The following CDH18 variants were observed in gnomAD, a reference collection of about 807,000 sequenced individuals.
CDH18 encodes the protein cadherin-18.
Under a neutral mutation model 67.9 loss-of-function variants are expected in CDH18, and 31 were observed. That is an observed-to-expected ratio of 0.46 (90% CI 0.34 to 0.62). The LOEUF is 0.62. CDH18 is among the 20% of genes least tolerant of loss of function. The pLI, the probability that CDH18 is intolerant of heterozygous loss-of-function variation, is 0.01. For synonymous variants in CDH18, 362 were observed against 347.2 expected, an observed-to-expected ratio of 1.04 and a Z score of -0.48; for missense variants, 890 against 975.5, an observed-to-expected ratio of 0.91 and a Z score of 1.17.
At chr5:20,042,989 TTAAAA>T (rs1740582809) in intron 2 of CDH18, among the ~76,000 whole-genome samples, 1 of 151,494 alleles carries the variant, frequency 6.6e-6, no homozygotes, top group Admixed American at 6.6e-5. Flanking sequence ...AATTAATTAA[TTAAAA>T]TAAAACATTT....
chr5:19,801,842 TC>T lies in CDH18; in HGVS notation c.228+36916del, dbSNP rs202240936. Among the ~76,000 whole-genome samples, 687 of 152,100 alleles carry T rather than the reference TC, an allele frequency of 4.5e-3. 6 individuals carry two copies. Among genetic ancestry groups the T allele is most frequent in the African/African-American group, 0.016 (665 of 41,494 alleles). ...CACAGCTGCATTACTTATTGACAGT[TC>T]CCCCCCAACACCATACAAATATTTA... is the stretch of plus-strand genomic sequence containing the variant. On this transcript the variant is annotated intron_variant, in intron 3 of 12. Coordinates refer to ENST00000382275, the MANE Select transcript of CDH18 (RefSeq NM_004934.5).
chr5:20,095,234 CA>C (rs1745789564), intron 2 of CDH18, among the ~76,000 whole-genome samples: 1 of 150,040 alleles, frequency 6.7e-6, no homozygotes, highest in African/African-American at 2.5e-5. Flanking sequence ...AGCAAACGAC[CA>C]TGACACATGT....
intron 1 of CDH18, among the ~76,000 whole-genome samples, chr5:20,269,613 C>T (rs902890597): frequency 1.3e-5 from 2 of 151,844 alleles, no homozygotes; most frequent in African/African-American, 4.8e-5. Flanking sequence ...GTGAAACAAG[C>T]CAGGAACAGA....
chr5:19,625,223 T>G (rs1403421143), intron 5 of CDH18, among the ~76,000 whole-genome samples: 3 of 152,170 alleles, frequency 2.0e-5, no homozygotes. Flanking sequence ...GAGAGATTAT[T>G]TCCTTGTCTT....
chr5:19,690,587 C>T (rs1441786504), intron 5 of CDH18, among the ~76,000 whole-genome samples: 2 of 151,360 alleles, frequency 1.3e-5, no homozygotes, highest in Non-Finnish European at 3.0e-5. Context: ...AATTCAGAAA[C>T]ATAAAAGGAT....
intron 5 of CDH18, among the ~76,000 whole-genome samples, chr5:19,686,634 C>T (rs563030895): frequency 2.6e-5 from 4 of 152,146 alleles, no homozygotes; most frequent in Admixed American, 6.6e-5. Flanking sequence ...TGTGTGTAAA[C>T]GAATGTAGAA....
intron 2 of CDH18, among the ~76,000 whole-genome samples, chr5:20,140,881 C>A (rs527948555): frequency 6.6e-6 from 1 of 152,246 alleles, no homozygotes; most frequent in East Asian, 1.9e-4. Context: ...TTCCATCAAA[C>A]TTCCAGACAA....
chr5:19,797,813 A>G (rs909660088), intron 3 of CDH18, among the ~76,000 whole-genome samples: 2 of 152,206 alleles, frequency 1.3e-5, no homozygotes, highest in Admixed American at 6.5e-5. Flanking sequence ...TTTTTTTATA[A>G]ATATAGGCAA....
At chr5:20,090,450 G>T (rs576345040) in intron 2 of CDH18, among the ~76,000 whole-genome samples, 8 of 152,100 alleles carry the variant, frequency 5.3e-5, no homozygotes, top group African/African-American at 1.7e-4. Context: ...CAGGAGAATC[G>T]CTTGAACCTG....
intron 6 of CDH18, among the ~76,000 whole-genome samples, chr5:19,599,862 G>T (rs1746790008): frequency 6.6e-6 from 1 of 152,118 alleles, no homozygotes; most frequent in Admixed American, 6.6e-5. Context: ...ACTCCAGCCT[G>T]GGCGACAGAG....
At chr5:19,733,930 AC>A (rs369795737) in intron 4 of CDH18, among the ~76,000 whole-genome samples, 14 of 152,082 alleles carry the variant, frequency 9.2e-5, no homozygotes, top group African/African-American at 3.4e-4. Context: ...AGTTGGCCAG[AC>A]CCCACACTTG....
At chr5:20,366,620 TA>T (rs1291488457) in intron 1 of CDH18, among the ~76,000 whole-genome samples, 2 of 152,216 alleles carry the variant, frequency 1.3e-5, no homozygotes, top group Non-Finnish European at 2.9e-5. Context: ...CTTTACCTCT[TA>T]ATGCCTCAAT....
intron 4 of CDH18, among the ~76,000 whole-genome samples, chr5:19,728,753 T>C (rs1232910698): frequency 1.3e-5 from 2 of 152,170 alleles, no homozygotes; most frequent in Non-Finnish European, 2.9e-5. Context: ...AGATTCAATG[T>C]TGAATAAGAA....
In CDH18 at chr5:19,543,993, G is replaced by A. The variant is rs1369331962; in HGVS notation, c.1266C>T (p.Asn422=). 5 of 1,563,558 alleles carry A rather than the reference G, an allele frequency of 3.2e-6. No individual in the cohort carries two copies. In the South Asian group the frequency reaches 5.9e-5, roughly 19 times the overall value. ...AAAATCTGTCGTCTTCAACATTGTAGTTGATGAAGTATCTAGAGAAAAAAA... is the reference window on the plus strand; with the variant it reads ...AAAATCTGTCGTCTTCAACATTGTAATTGATGAAGTATCTAGAGAAAAAAA... The part of the protein sequence containing the change: ...STNSLVRYFI[N]YNVEDDRFFN... The change falls in exon 9 of 13, where the codon AAC becomes AAT. Residue 422 remains asparagine (N), a synonymous_variant. Transcript: ENST00000382275.
chr5:19,928,552 C>T (rs1793339816), intron 2 of CDH18, among the ~76,000 whole-genome samples: 2 of 152,042 alleles, frequency 1.3e-5, no homozygotes, highest in African/African-American at 4.8e-5. Flanking sequence ...TCCATACATG[C>T]TACACAATAC....
At chr5:20,288,446 TATA>T (rs780912107) in intron 1 of CDH18, among the ~76,000 whole-genome samples, 130 of 53,116 alleles carry the variant, frequency 2.4e-3, no homozygotes, top group Admixed American at 3.1e-3. Flanking sequence ...AAAAATACGA[TATA>T]TATATATATA....
At chr5:20,464,975 AGACATTGGATTTGTTAATTAATGG>A (rs2150229909) in intron 1 of CDH18, among the ~76,000 whole-genome samples, 1 of 152,250 alleles carries the variant, frequency 6.6e-6, no homozygotes, top group South Asian at 2.1e-4. Context: ...ATAGGAAAGA[AGACATTGGATTTGTTAATTAATGG>A]GACATTGGTG....
intron 4 of CDH18, among the ~76,000 whole-genome samples, chr5:19,736,820 TA>T (rs1403850304): frequency 1.3e-5 from 2 of 152,194 alleles, no homozygotes; most frequent in African/African-American, 2.4e-5. Flanking sequence ...GGAGAAGATT[TA>T]AATTGGCCAT....
At chr5:20,488,836 G>T (rs933723315) in intron 1 of CDH18, among the ~76,000 whole-genome samples, 2 of 151,768 alleles carry the variant, frequency 1.3e-5, no homozygotes, top group Non-Finnish European at 2.9e-5. Context: ...TGTTGTCATA[G>T]AAAATATTTA....
Sources: gnomAD v4.1 joint callset for allele counts (sites outside exome capture counted in the v4.1 genomes callset) on GRCh38, gnomAD v4.1.1 for gene constraint, MANE v1.5 for transcripts, NCBI Gene and HGNC (gene_info 2026-07-23, HGNC 2026-07-21) for gene names.